The following ARHGAP28 variants were observed in gnomAD, a reference collection of about 807,000 sequenced individuals.
ARHGAP28 encodes Rho GTPase activating protein 28.
Under a neutral mutation model 90.7 loss-of-function variants are expected in ARHGAP28, and 56 were observed. That is an observed-to-expected ratio of 0.62 (90% CI 0.50 to 0.77). The LOEUF is 0.77. Ranked by LOEUF, ARHGAP28 falls within the 30% of genes least tolerant of loss-of-function variation. ARHGAP28 has a pLI of 0.00. For synonymous variants in ARHGAP28, 308 were observed against 323.3 expected (o/e 0.95, Z 0.51); for missense variants, 869 against 900.9 (o/e 0.96, Z 0.45).
chr18:6,857,341 A>G (rs73941142), intron 4 of ARHGAP28, among the ~76,000 whole-genome samples: 1,767 of 152,368 alleles, frequency 0.012, 36 homozygotes, highest in African/African-American at 0.04. Flanking sequence ...CAGAAAAAAT[A>G]ACAGACTCCT....
chr18:6,764,035 A>T (rs1434013310), intron 1 of ARHGAP28, among the ~76,000 whole-genome samples: 1 of 152,216 alleles, frequency 6.6e-6, no homozygotes, highest in Non-Finnish European at 1.5e-5. Context: ...TTCTTTAGAA[A>T]TTTGAAATAT....
intron 1 of ARHGAP28, among the ~76,000 whole-genome samples, chr18:6,803,321 T>C (rs561576443): frequency 1.8e-4 from 28 of 152,318 alleles, no homozygotes; most frequent in Admixed American, 1.5e-3. Context: ...AGTACTTTTT[T>C]CCCATATATT....
intron 9 of ARHGAP28, among the ~76,000 whole-genome samples, chr18:6,874,286 A>G (rs1398395834): frequency 6.6e-6 from 1 of 152,250 alleles, no homozygotes; most frequent in Non-Finnish European, 1.5e-5. Context: ...AAAAACCAGC[A>G]TGTTCCAGTC....
intron 2 of ARHGAP28, among the ~76,000 whole-genome samples, chr18:6,831,830 A>G (rs1567962669): frequency 6.6e-6 from 1 of 152,140 alleles, no homozygotes; most frequent in Non-Finnish European, 1.5e-5. Context: ...GAACGGGTTC[A>G]GTACTCACCA....
intron 10 of ARHGAP28, among the ~76,000 whole-genome samples, chr18:6,878,680 G>C (rs1235303812): frequency 6.6e-6 from 1 of 152,028 alleles, no homozygotes; most frequent in East Asian, 1.9e-4. Flanking sequence ...CCCCTACCCA[G>C]TTTTATGTAG....
chr18:6,762,439 G>A (rs538901108), intron 1 of ARHGAP28, among the ~76,000 whole-genome samples: 3 of 152,164 alleles, frequency 2.0e-5, no homozygotes, highest in African/African-American at 4.8e-5. Context: ...ACTGCAAAAG[G>A]ATGTAATTTC....
At chr18:6,823,399 A>T (rs985318808) in intron 1 of ARHGAP28, among the ~76,000 whole-genome samples, 2 of 151,882 alleles carry the variant, frequency 1.3e-5, no homozygotes, top group African/African-American at 4.8e-5. Flanking sequence ...TCCTTCCTTT[A>T]TACCACATTT....
chr18:6,907,401 A>AAG (rs1555637277), intron 16 of ARHGAP28, among the ~76,000 whole-genome samples: 1 of 151,806 alleles, frequency 6.6e-6, no homozygotes. Flanking sequence ...CTGGAAAAAA[A>AAG]AAAAAAAAGC....
chr18:6,850,761 A>C lies in ARHGAP28; in HGVS notation c.544-273A>C, dbSNP rs1157496623. On this transcript the variant is annotated intron_variant, in intron 3 of 17. Transcript: ENST00000383472. ...TTGGAGCAAAATCATGATATTCATA[A>C]GTTAGGAAAGAAAAGAAAGTGGGTT... 20 of 1,490,684 alleles carry C rather than the reference A, an allele frequency of 1.3e-5. No individual in the cohort carries two copies. In the Admixed American group the frequency reaches 2.8e-4, roughly 21 times the overall value. The allele number at this position is 1,490,684 out of a possible 1,614,324, so 92.3% of individuals were successfully genotyped here.
At chr18:6,809,395 G>A (rs1490909752) in intron 1 of ARHGAP28, among the ~76,000 whole-genome samples, 2 of 152,134 alleles carry the variant, frequency 1.3e-5, no homozygotes, top group Non-Finnish European at 2.9e-5. Flanking sequence ...CATAATGAGG[G>A]TGTATTAGTT....
intron 2 of ARHGAP28, among the ~76,000 whole-genome samples, chr18:6,831,533 C>T (rs1359470031): frequency 1.5e-5 from 2 of 131,350 alleles, no homozygotes; most frequent in Non-Finnish European, 3.1e-5. Flanking sequence ...TACATGTGCA[C>T]ATTGTGCAGG....
intron 2 of ARHGAP28, among the ~76,000 whole-genome samples, chr18:6,826,244 T>C (rs1254349775): frequency 6.6e-6 from 1 of 152,156 alleles, no homozygotes; most frequent in Non-Finnish European, 1.5e-5. Context: ...TGAGCATTTT[T>C]TCATGTATTT....
chr18:6,868,167 T>TCCAGTTCTA lies in ARHGAP28; in HGVS notation c.752_760dup (p.Leu251_Val253dup), dbSNP rs774572733. On this transcript the variant is annotated inframe_insertion, in exon 6 of 18. Transcript: ENST00000383472. ...CTTGGCAGGCTATACTTGAGACCAT[T>TCCAGTTCTA]CCAGTTCTACCAGTTCATTCCAATG... 6.2e-7 allele frequency: 1 copy of TCCAGTTCTA among 1,614,002 alleles called. No individual in the cohort carries two copies. The highest frequency in any genetic ancestry group is 1.3e-5 in the African/African-American group (1 of 74,916).
intron 2 of ARHGAP28, among the ~76,000 whole-genome samples, chr18:6,827,386 C>A (rs536963083): frequency 1.4e-5 from 2 of 147,240 alleles, no homozygotes; most frequent in East Asian, 2.1e-4. Flanking sequence ...CACCTCCCTC[C>A]GAGATGGGGC....
chr18:6,909,300 CT>C (rs11285854), intron 17 of ARHGAP28, among the ~76,000 whole-genome samples: 64,851 of 119,636 alleles, frequency 0.54, 16,897 homozygotes, highest in Non-Finnish European at 0.62. Flanking sequence ...CTTTTCTTTT[CT>C]TTTTTTTTTG....
intron 1 of ARHGAP28, among the ~76,000 whole-genome samples, chr18:6,781,561 C>T (rs1320889830): frequency 6.6e-6 from 1 of 152,158 alleles, no homozygotes; most frequent in Non-Finnish European, 1.5e-5. Context: ...ATTCTTCTTG[C>T]CCTGGTGACA....
intron 1 of ARHGAP28, among the ~76,000 whole-genome samples, chr18:6,779,840 G>A (rs1482731416): frequency 2.0e-5 from 3 of 152,152 alleles, no homozygotes; most frequent in Non-Finnish European, 4.4e-5. Flanking sequence ...TTTCTAACAG[G>A]CTTCTGAAAG....
At chr18:6,839,388 G>A (rs1274336498) in intron 3 of ARHGAP28, among the ~76,000 whole-genome samples, 13 of 150,232 alleles carry the variant, frequency 8.7e-5, no homozygotes, top group African/African-American at 2.9e-4. Context: ...CCGCCTCCCG[G>A]GTTCACGCCA....
At chr18:6,845,257 T>C (rs2056857417) in intron 3 of ARHGAP28, among the ~76,000 whole-genome samples, 1 of 152,132 alleles carries the variant, frequency 6.6e-6, no homozygotes, top group African/African-American at 2.4e-5. Context: ...TTTTAAATTT[T>C]TTATAGAGAT....
Sources: allele counts gnomAD v4.1 joint callset (sites outside exome capture counted in the v4.1 genomes callset), GRCh38; gene constraint gnomAD v4.1.1; transcripts MANE v1.5; gene names NCBI Gene and HGNC (gene_info 2026-07-23, HGNC 2026-07-21).